SPATA31H1: variants seen among roughly 807,000 people sequenced by gnomAD.
SPATA31H1 encodes SPATA31 subfamily H member 1, also known as spermatogenesis-associated protein 31H1.
At chr2:27,567,207 T>A in the SPATA31H1 span, 3 of 631,790 alleles carry the variant, frequency 4.7e-6, no homozygotes, top group Non-Finnish European at 8.6e-6. Context: ...TGAGCCAAAT[T>A]CTGTTTCCAA....
the SPATA31H1 span, among the ~76,000 whole-genome samples, chr2:27,545,202 T>C: frequency 4.6e-5 from 7 of 151,652 alleles, no homozygotes; most frequent in African/African-American, 1.7e-4. Context: ...TTTGTAGTTT[T>C]AGGAGAGATG....
the SPATA31H1 span, chr2:27,567,506 T>C: frequency 1.1e-4 from 45 of 411,404 alleles, no homozygotes; most frequent in Admixed American, 6.0e-4. Context: ...ATGTGAATGC[T>C]GGAGTGGGAT....
the SPATA31H1 span, among the ~76,000 whole-genome samples, chr2:27,558,918 G>GGAGGGGGAGGGAGAGGGA: frequency 1.0e-5 from 1 of 95,514 alleles, no homozygotes; most frequent in Admixed American, 1.1e-4. Flanking sequence ...AGAGGGAGAG[G>GGAGGGGGAGGGAGAGGGA]GAGGGGGAGG....
At chr2:27,570,472 A>G in the SPATA31H1 span, 1 of 398,840 alleles carries the variant, frequency 2.5e-6, no homozygotes, top group Non-Finnish European at 4.4e-6. Flanking sequence ...CATAGTGTGA[A>G]TTTTGTAGAG....
the SPATA31H1 span, among the ~76,000 whole-genome samples, chr2:27,560,042 A>AT: frequency 6.7e-6 from 1 of 150,160 alleles, no homozygotes; most frequent in African/African-American, 2.5e-5. Context: ...TAATTTTCGT[A>AT]TTTTTAGTAG....
the SPATA31H1 span, among the ~76,000 whole-genome samples, chr2:27,551,902 G>A: frequency 5.9e-5 from 9 of 151,766 alleles, no homozygotes; most frequent in East Asian, 1.4e-3. Flanking sequence ...TGCAACCTCC[G>A]CCTCCTGGAT....
At chr2:27,582,302 C>G in the SPATA31H1 span, 83 of 1,614,082 alleles carry the variant, frequency 5.1e-5, no homozygotes, top group Non-Finnish European at 6.6e-5. Context: ...GAACCCGTCA[C>G]AGTCCCTCTG....
At chr2:27,550,314 A>T in the SPATA31H1 span, among the ~76,000 whole-genome samples, 2 of 150,518 alleles carry the variant, frequency 1.3e-5, no homozygotes, top group East Asian at 3.9e-4. Context: ...TTTATGTGTA[A>T]TGTTTGATAG....
At chr2:27,541,962 G>A in the SPATA31H1 span, among the ~76,000 whole-genome samples, 2 of 151,864 alleles carry the variant, frequency 1.3e-5, no homozygotes, top group Non-Finnish European at 2.9e-5. Context: ...TTGGTAGAGA[G>A]AGGGTATCGC....
chr2:27,541,208 A>G, the SPATA31H1 span, among the ~76,000 whole-genome samples: 3 of 151,886 alleles, frequency 2.0e-5, no homozygotes, highest in East Asian at 2.0e-4. Flanking sequence ...CCAACACAGC[A>G]AAACCCCGTC....
At chr2:27,582,171 A>C in the SPATA31H1 span, 20 of 1,613,972 alleles carry the variant, frequency 1.2e-5, no homozygotes, top group African/African-American at 2.7e-4. Flanking sequence ...TCCCTCTGAG[A>C]GGAGAGGACA....
chr2:27,556,231 A>G, the SPATA31H1 span, among the ~76,000 whole-genome samples: 4 of 149,898 alleles, frequency 2.7e-5, no homozygotes, highest in Non-Finnish European at 4.4e-5. Context: ...CTGCTTCATA[A>G]CACTTCTTGC....
chr2:27,567,876 G>A, the SPATA31H1 span: 4 of 398,862 alleles, frequency 1.0e-5, no homozygotes, highest in African/African-American at 8.2e-5. Context: ...GGATTCAATG[G>A]GGATGATCCC....
chr2:27,581,771 C>T, the SPATA31H1 span: 32 of 1,610,398 alleles, frequency 2.0e-5, no homozygotes, highest in Non-Finnish European at 2.7e-5. Flanking sequence ...CAGAGAGAAG[C>T]CATCACAGTC....
At chr2:27,577,822 T>TAGAGGTA in the SPATA31H1 span, 1 of 1,614,132 alleles carries the variant, frequency 6.2e-7, no homozygotes, top group Non-Finnish European at 8.5e-7. This position sits in a 1 kb window ranked among gnomAD's most constrained non-coding sequence, Gnocchi z 4.5. Context: ...GAGGAATCTT[T>TAGAGGTA]AGAGGTGCCC....
At chr2:27,552,368 G>C in the SPATA31H1 span, among the ~76,000 whole-genome samples, 1 of 151,776 alleles carries the variant, frequency 6.6e-6, no homozygotes, top group African/African-American at 2.4e-5. Flanking sequence ...CTATCTAATG[G>C]TCTTGTTACC....
the SPATA31H1 span, among the ~76,000 whole-genome samples, chr2:27,539,391 T>C: frequency 7.8e-6 from 1 of 128,748 alleles, no homozygotes; most frequent in South Asian, 2.6e-4. Flanking sequence ...CATTTAACCC[T>C]GAGTGGACAC....
At chr2:27,551,200 A>C in the SPATA31H1 span, among the ~76,000 whole-genome samples, 1 of 151,880 alleles carries the variant, frequency 6.6e-6, no homozygotes, top group Non-Finnish European at 1.5e-5. Context: ...GATGCTTTTC[A>C]TATATTATTG....
At chr2:27,565,907 A>T in the SPATA31H1 span, 1 of 661,628 alleles carries the variant, frequency 1.5e-6, no homozygotes. Context: ...TAAGTCTGAG[A>T]TCTACCACTA....
Sources: allele counts gnomAD v4.1 joint callset (sites outside exome capture counted in the v4.1 genomes callset), GRCh38; gene constraint gnomAD v4.1.1; non-coding constraint Gnocchi (gnomAD v3.1); transcripts MANE v1.5; gene names NCBI Gene and HGNC (gene_info 2026-07-23, HGNC 2026-07-21).